ADAMTS16: variants seen among roughly 807,000 people sequenced by gnomAD.
The protein encoded by ADAMTS16 is ADAM metallopeptidase with thrombospondin type 1 motif 16.
ADAMTS16 carries 94 observed loss-of-function variants against 145.8 expected under a neutral mutation model. The ratio of observed to expected loss-of-function variants is 0.64; its 90% CI spans 0.55 to 0.77. The LOEUF is 0.77. ADAMTS16 is among the 30% of genes least tolerant of loss of function. ADAMTS16 has a pLI of 0.00. For missense variants in ADAMTS16, 1,585 were observed against 1,591.5 expected, an observed-to-expected ratio of 1.00 and a Z score of 0.07; for synonymous variants, 659 against 604.3, an observed-to-expected ratio of 1.09 and a Z score of -1.33.
At chr5:5,311,262 A>C (rs1332910684) in intron 21 of ADAMTS16, among the ~76,000 whole-genome samples, 1 of 146,670 alleles carries the variant, frequency 6.8e-6, no homozygotes, top group Non-Finnish European at 1.5e-5. Flanking sequence ...CCAGCCCTGC[A>C]CGGGAAGCTG....
At chr5:5,153,418 G>A (rs965626278) in intron 3 of ADAMTS16, among the ~76,000 whole-genome samples, 3 of 151,930 alleles carry the variant, frequency 2.0e-5, no homozygotes, top group Non-Finnish European at 2.9e-5. Context: ...CTTGTAATGA[G>A]TGATTGTATT....
At chr5:5,212,492 C>A (rs1736302632) in intron 10 of ADAMTS16, among the ~76,000 whole-genome samples, 1 of 152,106 alleles carries the variant, frequency 6.6e-6, no homozygotes, top group African/African-American at 2.4e-5. Context: ...GGTGCACATA[C>A]ATTTAGGATG....
At chr5:5,264,230 C>T (rs571688218) in intron 18 of ADAMTS16, among the ~76,000 whole-genome samples, 17 of 152,218 alleles carry the variant, frequency 1.1e-4, no homozygotes, top group African/African-American at 4.1e-4. Flanking sequence ...CTGTGGGTTT[C>T]AGATTCTTTT....
At chr5:5,271,590 G>T (rs1738477158) in intron 18 of ADAMTS16, among the ~76,000 whole-genome samples, 1 of 152,230 alleles carries the variant, frequency 6.6e-6, no homozygotes. Flanking sequence ...ATACTTCTCA[G>T]TTTATCTAAA....
At chr5:5,225,492 G>A (rs149061667) in intron 11 of ADAMTS16, among the ~76,000 whole-genome samples, 29,336 of 152,004 alleles carry the variant, frequency 0.19, 3,307 homozygotes, top group East Asian at 0.5. Context: ...AGTCCCAGCT[G>A]CTCGGGAGGC....
At chr5:5,235,625 T>A in intron 13 of ADAMTS16, among the ~76,000 whole-genome samples, 1 of 152,222 alleles carries the variant, frequency 6.6e-6, no homozygotes, top group East Asian at 1.9e-4. Context: ...AAGCATAGTA[T>A]GTTCAGAAAG....
chr5:5,304,434 C>T (rs1188084073), intron 20 of ADAMTS16, among the ~76,000 whole-genome samples: 1 of 152,046 alleles, frequency 6.6e-6, no homozygotes, highest in Non-Finnish European at 1.5e-5. Flanking sequence ...TCTTACACCC[C>T]ACAGAGTGGC....
intron 17 of ADAMTS16, among the ~76,000 whole-genome samples, chr5:5,250,736 T>TGTGTGTGTGTGTGTGTGCGC (rs764397980): frequency 7.1e-6 from 1 of 141,812 alleles, no homozygotes; most frequent in Admixed American, 7.0e-5. Context: ...TGTGTGTGTG[T>TGTGTGTGTGTGTGTGTGCGC]GCGCGCACTC....
chr5:5,318,217 G>C lies in ADAMTS16; in HGVS notation c.3495G>C (p.Leu1165=), dbSNP rs368647294. 2.6e-4 allele frequency: 408 copies of C among 1,569,780 alleles called. No individual in the cohort carries two copies. Among genetic ancestry groups the C allele is most frequent in the Non-Finnish European group, 3.4e-4 (390 of 1,153,496 alleles). ...AGGRPASGCL[L]HQKPSASLAC... is the part of the protein sequence containing the mutation. ...GCCGGCCGGCCTCAGGCTGCCTCCT[G>C]CACCAGAAGCCTTCGGCCTCCCTGG... The change falls in exon 22 of 23, where the codon CTG becomes CTC. Residue 1165 remains leucine, a synonymous_variant. Coordinates refer to ENST00000274181, the MANE Select transcript of ADAMTS16 (RefSeq NM_139056.4).
In ADAMTS16 at chr5:5,317,867, A is replaced by G. The variant is rs1734117167; in HGVS notation, c.3412-267A>G. Among the ~76,000 whole-genome samples, 1 of 152,172 alleles carries G rather than the reference A, an allele frequency of 6.6e-6. No homozygotes were observed. Among genetic ancestry groups the G allele is most frequent in the African/African-American group, 2.4e-5 (1 of 41,444 alleles). On this transcript the variant is annotated intron_variant, in intron 21 of 22. Coordinates refer to ENST00000274181, the MANE Select transcript of ADAMTS16 (RefSeq NM_139056.4). The surrounding 1 kb of genome is among the most constrained non-coding windows in gnomAD (Gnocchi z 4.5). ...TCTATCTGAAAACAGGAAGGGTTCC[A>G]GGAGCTATGTCAGCTGGTTGGTTTG...
At chr5:5,231,433 CTT>C (rs11317676) in intron 11 of ADAMTS16, among the ~76,000 whole-genome samples, 20 of 148,442 alleles carry the variant, frequency 1.3e-4, no homozygotes, top group Admixed American at 6.0e-4. Context: ...TGAAAGTAGC[CTT>C]TTTTTTTTTC....
At chr5:5,147,636 C>T (rs745490983) in intron 3 of ADAMTS16, among the ~76,000 whole-genome samples, 9 of 152,084 alleles carry the variant, frequency 5.9e-5, no homozygotes, top group Non-Finnish European at 8.8e-5. Flanking sequence ...GGTTATTTGG[C>T]GCTCTTGTTA....
rs768570224 is a variant in ADAMTS16, at chr5:5,182,149, G to A, written c.607G>A (p.Val203Ile). The change falls in exon 4 of 23, where the codon GTA becomes ATA. Residue 203 changes from valine to isoleucine, a missense_variant. By Grantham distance (29) the Val-to-Ile change is conservative (BLOSUM62 3). Coordinates refer to ENST00000274181, the MANE Select transcript of ADAMTS16 (RefSeq NM_139056.4). ...RAAQGSSPSH[V>I]LYKRSTEPHA... ...TGCCCAAGGCAGCTCGCCATCCCACGTACTGTACAAGAGATCCACAGAGCC... is the reference window on the plus strand; with the variant it reads ...TGCCCAAGGCAGCTCGCCATCCCACATACTGTACAAGAGATCCACAGAGCC... 22 of 1,613,984 alleles carry A rather than the reference G, an allele frequency of 1.4e-5. No homozygotes were observed. The highest frequency in any genetic ancestry group is 1.3e-4 in the Admixed American group (8 of 60,008).
chr5:5,279,748 C>T (rs1306264646), intron 18 of ADAMTS16, among the ~76,000 whole-genome samples: 1 of 150,822 alleles, frequency 6.6e-6, no homozygotes, highest in Non-Finnish European at 1.5e-5. Flanking sequence ...TTGTTTTATA[C>T]CTGATTACCC....
chr5:5,305,637 G>A (rs1208564350), intron 20 of ADAMTS16, among the ~76,000 whole-genome samples: 1 of 152,176 alleles, frequency 6.6e-6, no homozygotes, highest in Admixed American at 6.5e-5. Flanking sequence ...TCTTCGATCA[G>A]GATGCACAAA....
At chr5:5,303,791 C>T (rs778967933) in intron 20 of ADAMTS16, 25 bp downstream of exon 20, 8 of 1,607,522 alleles carry the variant, frequency 5.0e-6, no homozygotes, top group Non-Finnish European at 6.0e-6. Flanking sequence ...CTCGCGGGAG[C>T]GAGGTTGACT....
At chr5:5,171,154 T>G (rs1426632904) in intron 3 of ADAMTS16, among the ~76,000 whole-genome samples, 1 of 152,228 alleles carries the variant, frequency 6.6e-6, no homozygotes, top group Non-Finnish European at 1.5e-5. Context: ...GTTTATCAAT[T>G]CTAATAACTT....
chr5:5,251,801 C>G (rs533484316), intron 17 of ADAMTS16, among the ~76,000 whole-genome samples: 3 of 152,344 alleles, frequency 2.0e-5, no homozygotes, highest in African/African-American at 7.2e-5. Context: ...TTCTCGGGCC[C>G]CCAGCCCAGA....
intron 20 of ADAMTS16, among the ~76,000 whole-genome samples, chr5:5,305,263 A>AATCCCACACCACACACACAC (rs1561000708): frequency 3.7e-4 from 13 of 34,950 alleles, no homozygotes; most frequent in South Asian, 1.2e-3. Context: ...CCACACACAC[A>AATCCCACACCACACACACAC]ATCCCACACC....
Sources: allele counts gnomAD v4.1 joint callset (sites outside exome capture counted in the v4.1 genomes callset), GRCh38; gene constraint gnomAD v4.1.1; non-coding constraint Gnocchi (gnomAD v3.1); transcripts MANE v1.5; gene names NCBI Gene and HGNC (gene_info 2026-07-23, HGNC 2026-07-21).